The following P2RY14 variants were observed in gnomAD, a reference collection of about 807,000 sequenced individuals.
P2RY14 encodes P2Y purinoceptor 14.
Under a neutral mutation model 0.9 loss-of-function variants are expected in P2RY14, and 2 were observed. The observed-to-expected ratio is 2.16, with a 90% confidence interval of 0.88 to 6.79. P2RY14 has a LOEUF of 6.79. Ranked by LOEUF, P2RY14 falls within the 30% of genes most tolerant of loss-of-function variation. P2RY14 has a pLI of 0.05. For missense variants in P2RY14, 378 were observed against 400.1 expected, an observed-to-expected ratio of 0.94 and a Z score of 0.47; for synonymous variants, 158 against 147.2, an observed-to-expected ratio of 1.07 and a Z score of -0.53.
intron 2 of P2RY14, among the ~76,000 whole-genome samples, chr3:151,215,016 A>G (rs897863670): frequency 6.6e-6 from 1 of 152,138 alleles, no homozygotes. Context: ...TATTCTACAT[A>G]TATGTTGGAC....
chr3:151,262,895 G>A (rs1014393533), intron 1 of P2RY14, among the ~76,000 whole-genome samples: 1 of 152,150 alleles, frequency 6.6e-6, no homozygotes, highest in Admixed American at 6.6e-5. Context: ...GGGCAGTAAG[G>A]CTTGGTGAGG....
rs1265030678 is a variant in P2RY14 at position 151,212,689 on chromosome 3, T to G, written c.*611A>C. On this transcript the variant is annotated 3_prime_UTR_variant, in exon 3 of 3. Transcript: ENST00000309170. ...AAAGTGCTATCAGAAAAAAAAAATT[T>G]TCTTGCTAAGTATACAATTAATATT... 3 of 152,164 alleles carry G rather than the reference T, an allele frequency of 2.0e-5. No individual in the cohort carries two copies. Among genetic ancestry groups the G allele is most frequent in the Non-Finnish European group, 4.4e-5 (3 of 68,034 alleles). The allele number at this position is 152,164 out of a possible 1,614,324, so 9.4% of individuals were successfully genotyped here.
chr3:151,269,810 A>G (rs997379377), intron 1 of P2RY14: 21 of 428,980 alleles, frequency 4.9e-5, no homozygotes, highest in African/African-American at 4.4e-4. Flanking sequence ...TCTGGAAAGG[A>G]TATAATGAAA....
At chr3:151,273,368 C>T (rs943507046) in intron 1 of P2RY14, among the ~76,000 whole-genome samples, 4 of 148,696 alleles carry the variant, frequency 2.7e-5, no homozygotes, top group Non-Finnish European at 4.4e-5. Context: ...GCTGGGATTA[C>T]AGGCACACAC....
At chr3:151,214,461 T>C in intron 2 of P2RY14, 121 bp from the exon 3 acceptor site, 1 of 633,688 alleles carries the variant, frequency 1.6e-6, no homozygotes, top group South Asian at 2.0e-5. Context: ...AGCCACCTTT[T>C]TACTCTGTGT....
chr3:151,221,938 A>G (rs1939966659), intron 1 of P2RY14, among the ~76,000 whole-genome samples: 1 of 152,178 alleles, frequency 6.6e-6, no homozygotes, highest in African/African-American at 2.4e-5. Context: ...GCAGATACTC[A>G]ATGCCAGGAG....
At chr3:151,254,015 A>G (rs796465241) in intron 1 of P2RY14, among the ~76,000 whole-genome samples, 8 of 74,002 alleles carry the variant, frequency 1.1e-4, no homozygotes, top group African/African-American at 4.3e-4. Flanking sequence ...TTTTTTTGTT[A>G]ATTTAAACTT....
chr3:151,264,390 A>G (rs1373970627), intron 1 of P2RY14, among the ~76,000 whole-genome samples: 3 of 152,184 alleles, frequency 2.0e-5, no homozygotes, highest in Admixed American at 1.3e-4. Flanking sequence ...GGGCAGTAGG[A>G]GTGTATTTTG....
chr3:151,272,804 A>G (rs1278005217), intron 1 of P2RY14, among the ~76,000 whole-genome samples: 2 of 152,134 alleles, frequency 1.3e-5, no homozygotes, highest in African/African-American at 2.4e-5. Context: ...TGTACCAGGC[A>G]TGATAACTCT....
intron 1 of P2RY14, among the ~76,000 whole-genome samples, chr3:151,253,216 A>T (rs1162076365): frequency 1.3e-5 from 2 of 152,168 alleles, no homozygotes. Context: ...GCCTGTTCCG[A>T]GAAAAGCCAA....
At chr3:151,258,555 G>A (rs1420711858) in intron 1 of P2RY14, among the ~76,000 whole-genome samples, 1 of 152,128 alleles carries the variant, frequency 6.6e-6, no homozygotes, top group Non-Finnish European at 1.5e-5. Flanking sequence ...CTCTAGGGCT[G>A]TGGTGCATCC....
intron 1 of P2RY14, among the ~76,000 whole-genome samples, chr3:151,255,127 A>G (rs1436278402): frequency 6.6e-6 from 1 of 152,200 alleles, no homozygotes; most frequent in Non-Finnish European, 1.5e-5. Flanking sequence ...ACAAATAGGC[A>G]GGCTGAAGAT....
rs952433714 is a variant in P2RY14, at chr3:151,278,371, C to T, written c.-217G>A. The T allele has an allele frequency of 2.6e-5, 4 of 152,214 alleles. No individual in the cohort carries two copies. The highest frequency in any genetic ancestry group is 4.8e-5 in the African/African-American group (2 of 41,434). 9.4% of individuals were successfully genotyped at this position (152,214 alleles called of 1,614,324 possible). On this transcript the variant is annotated 5_prime_UTR_variant, in exon 1 of 3. Transcript: ENST00000309170. ...TGTAGGCTCCAAGGTAACACTGTTA[C>T]AGAGTTCTTGCTCATCTTCAACTAC... is the stretch of plus-strand genomic sequence containing the variant.
In P2RY14 at chr3:151,273,117, A is replaced by T. The variant is rs532220972; in HGVS notation, c.-133+5170T>A. On this transcript the variant is annotated intron_variant, in intron 1 of 2. Coordinates refer to ENST00000309170, the MANE Select transcript of P2RY14 (RefSeq NM_014879.4). Reference sequence around the variant, plus strand: ...AAGCAGTATGATCAAGGAATATTCAACCTCTGTATCTCTTTGGCTTCCATT... The same window carrying T: ...AAGCAGTATGATCAAGGAATATTCATCCTCTGTATCTCTTTGGCTTCCATT... Among the ~76,000 whole-genome samples, 3 of 152,082 alleles carry T rather than the reference A, an allele frequency of 2.0e-5. No homozygotes were observed. In the South Asian group the frequency reaches 6.2e-4, roughly 32 times the overall value.
chr3:151,218,499 G>A (rs1420575206), intron 2 of P2RY14, among the ~76,000 whole-genome samples: 2 of 152,088 alleles, frequency 1.3e-5, no homozygotes, highest in Non-Finnish European at 2.9e-5. Flanking sequence ...TGAGGCTTTA[G>A]GAATATAAAC....
At chr3:151,272,958 A>G (rs1741225682) in intron 1 of P2RY14, among the ~76,000 whole-genome samples, 1 of 152,184 alleles carries the variant, frequency 6.6e-6, no homozygotes, top group Non-Finnish European at 1.5e-5. Flanking sequence ...AAGTGCTTCA[A>G]TATCCGAAAC....
chr3:151,219,904 C>G (rs1213706007), intron 1 of P2RY14, among the ~76,000 whole-genome samples: 3 of 90,472 alleles, frequency 3.3e-5, no homozygotes, highest in East Asian at 7.7e-4. Flanking sequence ...CCCCCCCCCC[C>G]CTTGGATATG....
chr3:151,250,530 G>C (rs1736643871), intron 1 of P2RY14, among the ~76,000 whole-genome samples: 1 of 152,152 alleles, frequency 6.6e-6, no homozygotes, highest in Non-Finnish European at 1.5e-5. Flanking sequence ...TACAGTATTT[G>C]TCCTTTTTTG....
chr3:151,276,032 T>C (rs958085690), intron 1 of P2RY14, among the ~76,000 whole-genome samples: 5 of 152,174 alleles, frequency 3.3e-5, no homozygotes, highest in African/African-American at 1.2e-4. Context: ...GGTGATCATA[T>C]TGATGATCAT....
Sources: gnomAD v4.1 joint callset for allele counts (sites outside exome capture counted in the v4.1 genomes callset) on GRCh38, gnomAD v4.1.1 for gene constraint, MANE v1.5 for transcripts, NCBI Gene and HGNC (gene_info 2026-07-23, HGNC 2026-07-21) for gene names.